Variants in MSR1 observed in about 807,000 individuals in gnomAD.
The protein encoded by MSR1 is macrophage scavenger receptor types I and II.
Under a neutral mutation model 47.2 loss-of-function variants are expected in MSR1, and 53 were observed. The observed-to-expected ratio is 1.12, with a 90% CI of 0.90 to 1.41. MSR1 has a LOEUF of 1.41. MSR1 is among the 40% of genes most tolerant of loss of function. The probability of loss-of-function intolerance (pLI) is 0.00; values close to 1 mark genes in which losing one functional copy is unlikely to be tolerated. For missense variants in MSR1, 786 were observed against 546.9 expected, an observed-to-expected ratio of 1.44 and a Z score of -4.36; for synonymous variants, 239 against 185.6, an observed-to-expected ratio of 1.29 and a Z score of -2.34.
intron 4 of MSR1, among the ~76,000 whole-genome samples, chr8:16,165,520 T>G (rs1470710187): frequency 1.3e-5 from 2 of 152,182 alleles, no homozygotes; most frequent in African/African-American, 4.8e-5. Context: ...AATTTTTGTC[T>G]CTCTGTTCTA....
At chr8:16,132,631 G>T (rs1800288542) in intron 8 of MSR1, among the ~76,000 whole-genome samples, 2 of 152,036 alleles carry the variant, frequency 1.3e-5, no homozygotes, top group Non-Finnish European at 1.5e-5. Context: ...GGGACTACAG[G>T]CACCCACCAC....
intron 5 of MSR1, among the ~76,000 whole-genome samples, chr8:16,162,113 A>C (rs1487359296): frequency 6.6e-6 from 1 of 152,062 alleles, no homozygotes; most frequent in Non-Finnish European, 1.5e-5. Context: ...TGTTAGATGG[A>C]TAAATTATCA....
In MSR1 at chr8:16,190,723, C is replaced by CTTTTTTTT. The variant is rs772816603; in HGVS notation, c.-5+1874_-5+1875insAAAAAAAA. Among the ~76,000 whole-genome samples, 707 of 145,084 alleles carry CTTTTTTTT rather than the reference C, an allele frequency of 4.9e-3. 14 individuals carry two copies. The highest frequency in any genetic ancestry group is 0.01 in the South Asian group (48 of 4,698). On this transcript the variant is annotated intron_variant, in intron 1 of 9. Coordinates refer to ENST00000262101, the MANE Select transcript of MSR1 (RefSeq NM_138715.3). ...TTATCATATTCTTTCTTTTTTCTTT[C>CTTTTTTTT]TTTCTTTTTGTTTTTGAGATGGAGT...
chr8:16,164,034 C>A (rs745784379), intron 5 of MSR1, 31 bp downstream of exon 5: 5 of 1,526,912 alleles, frequency 3.3e-6, no homozygotes, highest in Non-Finnish European at 3.6e-6. Flanking sequence ...ATATATATAT[C>A]ATTTTCTGGA....
chr8:16,179,931 G>A lies in MSR1; in HGVS notation c.-4-1939C>T, dbSNP rs184777750. On this transcript the variant is annotated intron_variant, in intron 1 of 9. Transcript: ENST00000262101. ...ATTTATTTATTTATTTACTTATTTT[G>A]AGACGGAGTCTCACTGACTCTGTTT... is the stretch of plus-strand genomic sequence containing the variant. 2.6e-3 allele frequency among the ~76,000 whole-genome samples: 340 copies of A among 130,438 alleles called. 2 individuals carry two copies. The highest frequency in any genetic ancestry group is 8.5e-3 in the African/African-American group (301 of 35,602). 85.6% of individuals were successfully genotyped at this position (130,438 alleles called of 152,430 possible).
rs562163846 is a variant in MSR1, at chr8:16,168,670, G to T, written c.418C>A (p.His140Asn). 4 of 1,614,030 alleles carry T rather than the reference G, an allele frequency of 2.5e-6. No individual in the cohort carries two copies. Among genetic ancestry groups the T allele is most frequent in the Non-Finnish European group, 3.4e-6 (4 of 1,180,022 alleles). Residue 140 changes from histidine (H) to asparagine (N), a missense_variant, in exon 4 of 10, where the codon CAT becomes AAT. Physicochemically the swap from His to Asn is moderately conservative, Grantham distance 68. Transcript: ENST00000262101. ...DMEANLMDTE[H>N]FQNFSMTTDQ... Reference sequence around the variant, plus strand: ...GTTGTCATGCTGAAATTTTGGAAATGCTCTGTGTCCATGAGGTTGGCTTCC... The same window carrying T: ...GTTGTCATGCTGAAATTTTGGAAATTCTCTGTGTCCATGAGGTTGGCTTCC...
chr8:16,138,874 C>T (rs1800456363), intron 8 of MSR1, among the ~76,000 whole-genome samples: 1 of 152,178 alleles, frequency 6.6e-6, no homozygotes, highest in African/African-American at 2.4e-5. Flanking sequence ...GTCATGTAGG[C>T]ATAAAACCAG....
At chr8:16,139,188 T>C in intron 8 of MSR1, 1 of 800,208 alleles carries the variant, frequency 1.2e-6, no homozygotes, top group African/African-American at 1.8e-5. Context: ...CTTTTTGCCA[T>C]GACATTTATT....
intron 8 of MSR1, among the ~76,000 whole-genome samples, chr8:16,127,519 A>G (rs17620705): frequency 6.6e-6 from 1 of 152,128 alleles, no homozygotes; most frequent in Non-Finnish European, 1.5e-5. Context: ...GGGTTAGGCA[A>G]TGAGTATATC....
At chr8:16,110,261 A>G in intron 9 of MSR1, 43 bp from the exon 10 acceptor site, 1 of 1,608,836 alleles carries the variant, frequency 6.2e-7, no homozygotes, top group Non-Finnish European at 8.5e-7. Context: ...TTTAGAGTTT[A>G]GTGTTTCTCT....
intron 1 of MSR1, among the ~76,000 whole-genome samples, chr8:16,191,223 A>G (rs1185112093): frequency 2.0e-5 from 3 of 152,206 alleles, no homozygotes; most frequent in African/African-American, 7.2e-5. Flanking sequence ...TTTTAGTAAG[A>G]AATGGAAATA....
intron 9 of MSR1, among the ~76,000 whole-genome samples, chr8:16,117,584 T>G (rs1799905306): frequency 6.6e-6 from 1 of 152,106 alleles, no homozygotes; most frequent in African/African-American, 2.4e-5. Context: ...TTCCATACAT[T>G]CTGGATTAAA....
intron 3 of MSR1, among the ~76,000 whole-genome samples, chr8:16,171,821 T>G (rs1015166582): frequency 1.3e-5 from 2 of 152,206 alleles, no homozygotes; most frequent in African/African-American, 2.4e-5. Context: ...ATTCTGGCTC[T>G]GCCCTTTATA....
At chr8:16,169,264 A>G (rs758293776) in intron 3 of MSR1, among the ~76,000 whole-genome samples, 3 of 152,244 alleles carry the variant, frequency 2.0e-5, no homozygotes, top group East Asian at 3.8e-4. Flanking sequence ...TGAAGTAAGC[A>G]TGTTGAATAT....
In MSR1 at chr8:16,143,563, G is replaced by A; in HGVS notation, c.1028C>T (p.Thr343Ile). Residue 343 changes from threonine (T) to isoleucine (I), a missense_variant, in exon 8 of 10, where the codon ACA becomes ATA. Physicochemically the swap from Thr to Ile is moderately conservative, Grantham distance 89. Transcript: ENST00000262101. ...GQKGEKGSGN[T>I]LTPFTKVRLV... is the part of the protein sequence containing the mutation. ...ACAAAATACTATATACTTACTTAAT[G>A]TGTTTCCACTCCCCTTTTCCCCTTT... 1 of 1,611,456 alleles carries A rather than the reference G, an allele frequency of 6.2e-7. No individual in the cohort carries two copies. The highest frequency in any genetic ancestry group is 8.5e-7 in the Non-Finnish European group (1 of 1,178,038).
chr8:16,111,356 G>T (rs1029268042), intron 9 of MSR1, among the ~76,000 whole-genome samples: 2 of 152,114 alleles, frequency 1.3e-5, no homozygotes, highest in Admixed American at 1.3e-4. Flanking sequence ...AACTTTTGGT[G>T]AAAGCCATGG....
intron 8 of MSR1, among the ~76,000 whole-genome samples, chr8:16,131,832 T>C (rs893418964): frequency 2.0e-5 from 3 of 152,086 alleles, no homozygotes; most frequent in Non-Finnish European, 4.4e-5. Flanking sequence ...TTCTGTTCCA[T>C]TGGTGTATGT....
chr8:16,163,140 T>C (rs963898743), intron 5 of MSR1, among the ~76,000 whole-genome samples: 3 of 151,910 alleles, frequency 2.0e-5, no homozygotes, highest in Admixed American at 6.6e-5. Flanking sequence ...TGAAACCTGT[T>C]TGGTAATTTT....
intron 7 of MSR1, among the ~76,000 whole-genome samples, chr8:16,149,752 A>G (rs137944671): frequency 7.0e-4 from 107 of 152,182 alleles, no homozygotes; most frequent in African/African-American, 2.5e-3. Context: ...AGGATTTCAG[A>G]CTTCTCTGTA....
Sources: gnomAD v4.1 joint callset for allele counts (sites outside exome capture counted in the v4.1 genomes callset) on GRCh38, gnomAD v4.1.1 for gene constraint, MANE v1.5 for transcripts, NCBI Gene and HGNC (gene_info 2026-07-23, HGNC 2026-07-21) for gene names.